The following CUX1 variants were observed in gnomAD, a reference collection of about 807,000 sequenced individuals.
CUX1 encodes the protein cut like homeobox 1, also known as protein CASP.
Under a neutral mutation model 158.8 loss-of-function variants are expected in CUX1, and 31 were observed. That is an observed-to-expected ratio of 0.20 (90% CI 0.15 to 0.26). The LOEUF (loss-of-function observed/expected upper bound fraction) is 0.26. Ranked by LOEUF, CUX1 falls within the 10% of genes least tolerant of loss-of-function variation. The pLI, the probability that CUX1 is intolerant of heterozygous loss-of-function variation, is 1.00. For missense variants in CUX1, 1,589 were observed against 2,014.6 expected (o/e 0.79, Z 4.04); for synonymous variants, 879 against 862.1 (o/e 1.02, Z -0.34).
chr7:102,226,166 C>G (rs568050026), intron 20 of CUX1, among the ~76,000 whole-genome samples: 1 of 152,336 alleles, frequency 6.6e-6, no homozygotes, highest in African/African-American at 2.4e-5. Context: ...TGGCATTTCC[C>G]ACTGGGCACC....
chr7:102,078,847 A>C (rs1324715017), intron 4 of CUX1, among the ~76,000 whole-genome samples: 1 of 152,164 alleles, frequency 6.6e-6, no homozygotes, highest in East Asian at 1.9e-4. Context: ...CTGTGCTCTG[A>C]GGTCCTCCCC....
intron 11 of CUX1, among the ~76,000 whole-genome samples, chr7:102,184,264 G>C (rs1478114756): frequency 6.6e-6 from 1 of 152,200 alleles, no homozygotes; most frequent in Non-Finnish European, 1.5e-5. Context: ...GCATTGTAAA[G>C]TTTATTATCA....
chr7:101,866,886 T>G lies in CUX1; in HGVS notation c.30+49217T>G, dbSNP rs148482860. Among the ~76,000 whole-genome samples, 1,053 of 152,266 alleles carry G rather than the reference T, an allele frequency of 6.9e-3. 12 individuals are homozygous for G. The highest frequency in any genetic ancestry group is 0.023 in the African/African-American group (974 of 41,540). Reference sequence around the variant, plus strand: ...GCCATGGCATATAGGAATATAGGAATAAGGCATATAGGAATAAGAAGTTTC... The same window carrying G: ...GCCATGGCATATAGGAATATAGGAAGAAGGCATATAGGAATAAGAAGTTTC... On this transcript the variant is annotated intron_variant, in intron 1 of 23. Transcript: ENST00000292535.
At chr7:101,923,501 G>T (rs921691441) in intron 2 of CUX1, among the ~76,000 whole-genome samples, 7 of 152,218 alleles carry the variant, frequency 4.6e-5, no homozygotes, top group Admixed American at 4.6e-4. Context: ...TTGGGTGTCT[G>T]TCTGCAGGAC....
In CUX1 at chr7:101,817,766, G is replaced by C. The variant is rs1792038628; in HGVS notation, c.30+97G>C. 8 of 1,458,456 alleles carry C rather than the reference G, an allele frequency of 5.5e-6. No homozygotes were observed. Among genetic ancestry groups the C allele is most frequent in the South Asian group, 1.3e-5 (1 of 79,058 alleles). The allele number at this position is 1,458,456 out of a possible 1,614,324, so 90.3% of individuals were successfully genotyped here. ...GGGTCCCGCGGCTTAGAATGCTCTA[G>C]GGCGGCCTGGTGCTCTGGGAGGGGA... On this transcript the variant is annotated intron_variant, in intron 1 of 23. Coordinates refer to ENST00000292535, the MANE Select transcript of CUX1 (RefSeq NM_181552.4). The surrounding 1 kb of genome is among the most constrained non-coding windows in gnomAD (Gnocchi z 4.1).
intron 2 of CUX1, among the ~76,000 whole-genome samples, chr7:102,010,327 G>C (rs1817847176): frequency 6.6e-6 from 1 of 150,642 alleles, no homozygotes; most frequent in South Asian, 2.1e-4. Context: ...CCCAGAGGTG[G>C]AGGTTGCAGT....
chr7:101,817,765 AG>A lies in CUX1; in HGVS notation c.30+99del. The A allele has an allele frequency of 6.8e-7, 1 of 1,467,476 alleles. No homozygotes were observed. The allele number at this position is 1,467,476 out of a possible 1,614,324, so 90.9% of individuals were successfully genotyped here. On this transcript the variant is annotated intron_variant, in intron 1 of 23. Coordinates refer to ENST00000292535, the MANE Select transcript of CUX1 (RefSeq NM_181552.4). The surrounding 1 kb of genome is among the most constrained non-coding windows in gnomAD (Gnocchi z 4.1). ...CGGGTCCCGCGGCTTAGAATGCTCT[AG>A]GGCGGCCTGGTGCTCTGGGAGGGGA... is the stretch of plus-strand genomic sequence containing the variant.
chr7:102,169,901 T>C (rs1199069618), intron 9 of CUX1, among the ~76,000 whole-genome samples: 5 of 152,162 alleles, frequency 3.3e-5, no homozygotes, highest in African/African-American at 1.2e-4. Context: ...CTTTGTCCAG[T>C]GAAGGGTTAA....
At chr7:102,094,959 T>C (rs139387248) in intron 4 of CUX1, among the ~76,000 whole-genome samples, 222 of 152,164 alleles carry the variant, frequency 1.5e-3, no homozygotes, top group African/African-American at 5.0e-3. Flanking sequence ...TTTTTTGTGT[T>C]ATCACGACTC....
chr7:101,975,079 C>T (rs534344761), intron 2 of CUX1, among the ~76,000 whole-genome samples: 9 of 152,032 alleles, frequency 5.9e-5, no homozygotes, highest in South Asian at 4.2e-4. Context: ...AAAACCTCAT[C>T]GTCCCCACTA....
At chr7:101,915,476 T>C (rs1584968384) in intron 1 of CUX1, among the ~76,000 whole-genome samples, 2 of 152,198 alleles carry the variant, frequency 1.3e-5, no homozygotes, top group African/African-American at 4.8e-5. Flanking sequence ...TGAAAAGTGG[T>C]TGGAAATAAT....
At chr7:102,118,098 C>T (rs893584144) in intron 8 of CUX1, among the ~76,000 whole-genome samples, 1 of 152,242 alleles carries the variant, frequency 6.6e-6, no homozygotes, top group African/African-American at 2.4e-5. Context: ...GTCACTATTC[C>T]GTCTGCTTCA....
At chr7:101,846,934 G>T (rs369187390) in intron 1 of CUX1, among the ~76,000 whole-genome samples, 3 of 151,996 alleles carry the variant, frequency 2.0e-5, no homozygotes, top group African/African-American at 7.3e-5. Flanking sequence ...GAATTCAAGA[G>T]CAGCCTGGGC....
At chr7:101,902,742 G>A (rs1802291508) in intron 1 of CUX1, among the ~76,000 whole-genome samples, 1 of 152,168 alleles carries the variant, frequency 6.6e-6, no homozygotes, top group Non-Finnish European at 1.5e-5. Context: ...ATCGAGCTGG[G>A]CAGAGGAATT....
intron 23 of CUX1, among the ~76,000 whole-genome samples, chr7:102,243,893 G>A (rs1586412679): frequency 1.3e-5 from 2 of 151,980 alleles, no homozygotes; most frequent in African/African-American, 4.8e-5. Context: ...CCGGTGTGGT[G>A]GCACATGCCT....
chr7:102,258,230 A>G lies in CUX1; in HGVS notation c.*9188A>G, dbSNP rs1790110012. On this transcript the variant is annotated 3_prime_UTR_variant, in exon 24 of 24. Transcript: ENST00000292535. ...TGAAGTAAATATCTTTTATACAAAC[A>G]CAAGAATGTGTGGGTTGTTTTTATT... 1.1e-5 allele frequency: 11 copies of G among 968,302 alleles called. No homozygotes were observed. The South Asian group carries it at 5.3e-4, about 46-fold the overall frequency. The allele number at this position is 968,302 out of a possible 1,614,324, so 60.0% of individuals were successfully genotyped here. A position where few individuals can be genotyped will look rare whatever the true frequency, so the allele number is the denominator to read the frequency against.
chr7:102,249,737 G>T lies in CUX1; in HGVS notation c.*695G>T. On this transcript the variant is annotated 3_prime_UTR_variant, in exon 24 of 24. Coordinates refer to ENST00000292535, the MANE Select transcript of CUX1 (RefSeq NM_181552.4). ...AGAAAGTTTTTGTAGCTGTTCAGTT[G>T]CCACTAAGAGATTGCACAGTCAAAA... 1 of 982,950 alleles carries T rather than the reference G, an allele frequency of 1.0e-6. No individual in the cohort carries two copies. The highest frequency in any genetic ancestry group is 1.2e-6 in the Non-Finnish European group (1 of 827,770). The allele number at this position is 982,950 out of a possible 1,614,324, so 60.9% of individuals were successfully genotyped here. A position where few individuals can be genotyped will look rare whatever the true frequency, so the allele number is the denominator to read the frequency against.
At chr7:102,129,084 C>T (rs1832950055) in intron 8 of CUX1, among the ~76,000 whole-genome samples, 1 of 152,206 alleles carries the variant, frequency 6.6e-6, no homozygotes, top group South Asian at 2.1e-4. Context: ...TCACCTGGCA[C>T]ATTTTAAAAA....
intron 2 of CUX1, among the ~76,000 whole-genome samples, chr7:101,987,232 G>A (rs551521574): frequency 2.0e-5 from 3 of 152,320 alleles, no homozygotes; most frequent in Non-Finnish European, 4.4e-5. Flanking sequence ...TGAGTGTGGG[G>A]CAAATGCTTG....
Sources: allele counts gnomAD v4.1 joint callset (sites outside exome capture counted in the v4.1 genomes callset), GRCh38; gene constraint gnomAD v4.1.1; non-coding constraint Gnocchi (gnomAD v3.1); transcripts MANE v1.5; gene names NCBI Gene and HGNC (gene_info 2026-07-23, HGNC 2026-07-21).